Variants in COLQ observed in about 807,000 individuals in gnomAD.
COLQ encodes the protein acetylcholinesterase collagenic tail peptide.
A neutral mutation model predicts 69.0 loss-of-function variants in COLQ; 48 were observed. That is an observed-to-expected ratio of 0.70 (90% CI 0.55 to 0.88). The LOEUF (loss-of-function observed/expected upper bound fraction) is 0.88, where lower values mean the gene tolerates loss of function less well. Ranked by LOEUF, COLQ falls within the 40% of genes least tolerant of loss-of-function variation. The pLI is 0.00. For missense variants in COLQ, 618 were observed against 594.6 expected, an observed-to-expected ratio of 1.04 and a Z score of -0.41; for synonymous variants, 217 against 211.2, an observed-to-expected ratio of 1.03 and a Z score of -0.24.
rs2062320806 is a variant in COLQ at position 15,473,242 on chromosome 3, C to T, written c.636+758G>A. Reference sequence around the variant, plus strand: ...ATCATGGCTTACCGCAGCTTTGACTCCTGGGCTCAGGCCACCCTCCCGCCT... The same window carrying T: ...ATCATGGCTTACCGCAGCTTTGACTTCTGGGCTCAGGCCACCCTCCCGCCT... On this transcript the variant is annotated intron_variant, in intron 10 of 16. Transcript: ENST00000383788. This position sits in a 1 kb window ranked among gnomAD's most constrained non-coding sequence, Gnocchi z 4.0. Among the ~76,000 whole-genome samples, 1 of 152,148 alleles carries T rather than the reference C, an allele frequency of 6.6e-6. No homozygotes were observed. The highest frequency in any genetic ancestry group is 2.4e-5 in the African/African-American group (1 of 41,426).
Position 15,451,329 on chromosome 3 carries a change from C to A in COLQ, c.*315G>T. ...GTGTCTAACAGTGCTCAGCCAAGTC[C>A]ACGGCCTGGGTCAGCAACATTCCAG... On this transcript the variant is annotated 3_prime_UTR_variant, in exon 17 of 17. Transcript: ENST00000383788. 1 of 506,672 alleles carries A rather than the reference C, an allele frequency of 2.0e-6. No individual in the cohort carries two copies. The highest frequency in any genetic ancestry group is 3.7e-6 in the Non-Finnish European group (1 of 273,394). 31.4% of individuals were successfully genotyped at this position (506,672 alleles called of 1,614,324 possible). A position where few individuals can be genotyped will look rare whatever the true frequency, so the allele number is the denominator to read the frequency against.
intron 15 of COLQ, among the ~76,000 whole-genome samples, chr3:15,455,595 T>A (rs2062012304): frequency 6.6e-6 from 1 of 152,114 alleles, no homozygotes; most frequent in African/African-American, 2.4e-5. Flanking sequence ...ACCTGTAACA[T>A]GGGTTTTGCT....
intron 3 of COLQ, among the ~76,000 whole-genome samples, chr3:15,481,815 T>G (rs374275276): frequency 7.2e-5 from 11 of 152,220 alleles, no homozygotes; most frequent in African/African-American, 2.7e-4. Flanking sequence ...AGTATGGCCA[T>G]TTTCACAATA....
intron 3 of COLQ, among the ~76,000 whole-genome samples, chr3:15,485,142 G>A (rs1460465640): frequency 1.3e-5 from 2 of 152,228 alleles, no homozygotes; most frequent in African/African-American, 4.8e-5. Flanking sequence ...CTGCAGGTCT[G>A]TTGGAGTTTG....
intron 7 of COLQ, 182 bp downstream of exon 7, chr3:15,475,243 C>T: frequency 2.9e-6 from 2 of 688,416 alleles, no homozygotes; most frequent in Non-Finnish European, 5.0e-6. Flanking sequence ...GGAATGGCAT[C>T]CCTATGCCCC....
chr3:15,482,684 G>A (rs969202513), intron 3 of COLQ, among the ~76,000 whole-genome samples: 1 of 152,190 alleles, frequency 6.6e-6, no homozygotes, highest in Non-Finnish European at 1.5e-5. Context: ...TTCTTGTTGT[G>A]TCTCTGCCAG....
Position 15,463,446 on chromosome 3 carries a change from A to G in COLQ, c.814+2895T>C, listed in dbSNP as rs1471587494. Among the ~76,000 whole-genome samples, 5 of 151,880 alleles carry G rather than the reference A, an allele frequency of 3.3e-5. No homozygotes were observed. In the East Asian group the frequency reaches 9.7e-4, roughly 29 times the overall value. The stretch of plus-strand genomic sequence containing the variant: ...ACTGCAAGCTCCGCCTCCCGGGTTC[A>G]TGCCATTCTCCTGCCTCAGCCTCCC... On this transcript the variant is annotated intron_variant, in intron 12 of 16. Transcript: ENST00000383788.
intron 1 of COLQ, among the ~76,000 whole-genome samples, chr3:15,490,016 A>G (rs2062638035): frequency 6.6e-6 from 1 of 152,184 alleles, no homozygotes; most frequent in Non-Finnish European, 1.5e-5. Flanking sequence ...TTAATATTGT[A>G]CTCAGAAGGA....
rs1230709888 is a variant in COLQ at position 15,498,566 on chromosome 3, G to C, written c.107-8929C>G. 3 of 1,552,038 alleles carry C rather than the reference G, an allele frequency of 1.9e-6. No homozygotes were observed. In the South Asian group the frequency reaches 3.6e-5, roughly 18 times the overall value. ...CCTGAAATGATGAGCAGATGAGCGA[G>C]GCTGAATGATGAGCCCGTCATTGTG... On this transcript the variant is annotated intron_variant, in intron 1 of 16. Transcript: ENST00000383788.
chr3:15,468,626 T>A (rs3773451), intron 11 of COLQ, among the ~76,000 whole-genome samples: 10 of 152,072 alleles, frequency 6.6e-5, no homozygotes, highest in Non-Finnish European at 1.0e-4. Flanking sequence ...GAGTCGCCAC[T>A]CCCGGCTGAG....
At position 15,451,332 on chromosome 3, in the gene COLQ, G is replaced by A. The variant is rs915323264; in HGVS notation, c.*312C>T. 9.7e-6 allele frequency: 5 copies of A among 514,832 alleles called. No individual in the cohort carries two copies. The highest frequency in any genetic ancestry group is 7.7e-5 in the South Asian group (4 of 52,022). The allele number at this position is 514,832 out of a possible 1,614,324, so 31.9% of individuals were successfully genotyped here. On this transcript the variant is annotated 3_prime_UTR_variant, in exon 17 of 17. Transcript: ENST00000383788. ...TCTAACAGTGCTCAGCCAAGTCCAC[G>A]GCCTGGGTCAGCAACATTCCAGAAG...
intron 16 of COLQ, among the ~76,000 whole-genome samples, 161 bp from the exon 17 acceptor site, chr3:15,451,874 G>C (rs6798041): frequency 3.7e-4 from 56 of 152,278 alleles, no homozygotes; most frequent in African/African-American, 1.3e-3. Context: ...CATGTCTCTG[G>C]GATTTTTGCC....
chr3:15,487,929 T>C (rs1208120183), intron 3 of COLQ, among the ~76,000 whole-genome samples: 2 of 152,128 alleles, frequency 1.3e-5, no homozygotes, highest in African/African-American at 2.4e-5. Flanking sequence ...ACCATATCCA[T>C]AGAGGTGGCA....
intron 1 of COLQ, among the ~76,000 whole-genome samples, chr3:15,510,490 C>CT (rs76344170): frequency 0.42 from 63,302 of 151,506 alleles, 14,344 homozygotes; most frequent in East Asian, 0.62. Context: ...AGGTGGATCG[C>CT]TGACCCCAGG....
chr3:15,462,375 C>A (rs987591748), intron 12 of COLQ, among the ~76,000 whole-genome samples: 4 of 152,160 alleles, frequency 2.6e-5, no homozygotes, highest in Non-Finnish European at 5.9e-5. Context: ...CCCCACCCCT[C>A]CAATATTTTC....
chr3:15,497,310 T>C (rs907417653), intron 1 of COLQ, among the ~76,000 whole-genome samples: 2 of 152,104 alleles, frequency 1.3e-5, no homozygotes, highest in Non-Finnish European at 2.9e-5. Context: ...TCTCAAAGTG[T>C]TGGGATTACA....
At chr3:15,521,441 G>C in intron 1 of COLQ, 79 bp downstream of exon 1, 1 of 1,574,764 alleles carries the variant, frequency 6.4e-7, no homozygotes, top group Non-Finnish European at 8.7e-7. Flanking sequence ...AAAACATCAG[G>C]ACACATTGCA....
At chr3:15,493,089 A>G (rs1471932750) in intron 1 of COLQ, among the ~76,000 whole-genome samples, 2 of 152,196 alleles carry the variant, frequency 1.3e-5, no homozygotes, top group African/African-American at 4.8e-5. Flanking sequence ...TTTGGGAAAG[A>G]GGGCATTCAT....
intron 11 of COLQ, chr3:15,467,834 C>G: frequency 2.2e-6 from 1 of 456,196 alleles, no homozygotes; most frequent in Non-Finnish European, 4.4e-6. Flanking sequence ...CCAGCCACAA[C>G]GGTGACAGGT....
Sources: allele counts gnomAD v4.1 joint callset (sites outside exome capture counted in the v4.1 genomes callset), GRCh38; gene constraint gnomAD v4.1.1; non-coding constraint Gnocchi (gnomAD v3.1); transcripts MANE v1.5; gene names NCBI Gene and HGNC (gene_info 2026-07-23, HGNC 2026-07-21).